The following CTNNA3 variants were observed in gnomAD, a reference collection of about 807,000 sequenced individuals.
The protein encoded by CTNNA3 is catenin alpha-3.
Under a neutral mutation model 95.7 loss-of-function variants are expected in CTNNA3, and 76 were observed. That is an observed-to-expected ratio of 0.79 (90% CI 0.66 to 0.96). The LOEUF (loss-of-function observed/expected upper bound fraction) is 0.96, where lower values mean the gene tolerates loss of function less well. Among genes scored for constraint, CTNNA3 ranks in the 40% least tolerant of loss-of-function variants. The pLI, the probability that CTNNA3 is intolerant of heterozygous loss-of-function variation, is 0.00. For missense variants in CTNNA3, 1,191 were observed against 1,089.8 expected, an observed-to-expected ratio of 1.09 and a Z score of -1.31; for synonymous variants, 431 against 374.4, an observed-to-expected ratio of 1.15 and a Z score of -1.74.
At chr10:67,743,323 C>G (rs1841353873) in intron 1 of CTNNA3, among the ~76,000 whole-genome samples, 1 of 151,136 alleles carries the variant, frequency 6.6e-6, no homozygotes, top group South Asian at 2.1e-4. Context: ...GGGCTTCATC[C>G]CTGGGATGCA....
At chr10:66,590,177 A>G (rs1182049440) in intron 10 of CTNNA3, among the ~76,000 whole-genome samples, 1 of 152,098 alleles carries the variant, frequency 6.6e-6, no homozygotes, top group Non-Finnish European at 1.5e-5. Flanking sequence ...AAAATAGAAT[A>G]TTAAATCTAG....
chr10:66,429,541 A>G (rs1363352456), intron 11 of CTNNA3, among the ~76,000 whole-genome samples: 1 of 152,150 alleles, frequency 6.6e-6, no homozygotes, highest in African/African-American at 2.4e-5. Context: ...GCACATCAAA[A>G]AGCTTATCCA....
intron 13 of CTNNA3, among the ~76,000 whole-genome samples, chr10:66,185,429 A>G (rs891840682): frequency 6.6e-6 from 1 of 152,122 alleles, no homozygotes; most frequent in Non-Finnish European, 1.5e-5. Context: ...TATTGAAATG[A>G]GCTATTAAAA....
chr10:67,103,433 T>A (rs1050393820), intron 7 of CTNNA3, among the ~76,000 whole-genome samples: 1 of 151,792 alleles, frequency 6.6e-6, no homozygotes, highest in African/African-American at 2.4e-5. Flanking sequence ...TAGTTACTTG[T>A]TAGTTGCACC....
intron 5 of CTNNA3, among the ~76,000 whole-genome samples, chr10:67,252,022 CA>C (rs1866127689): frequency 6.6e-6 from 1 of 151,912 alleles, no homozygotes; most frequent in Non-Finnish European, 1.5e-5. Flanking sequence ...CCAGCCTGGC[CA>C]ACACGGTGAA....
At chr10:67,664,354 A>G (rs1190601315) in intron 1 of CTNNA3, among the ~76,000 whole-genome samples, 1 of 152,204 alleles carries the variant, frequency 6.6e-6, no homozygotes, top group Non-Finnish European at 1.5e-5. Flanking sequence ...TTAAAAGGGC[A>G]GCATTTCTTC....
At chr10:67,698,249 A>AAAGAG (rs1554877550), upstream of CTNNA3, among the ~76,000 whole-genome samples, 6 of 151,680 alleles carry the variant, frequency 4.0e-5, no homozygotes, top group East Asian at 2.0e-4. Context: ...GGAAAAAAAA[A>AAAGAG]AGAGAGAAAA....
chr10:66,487,250 G>C (rs1045124770), intron 11 of CTNNA3, among the ~76,000 whole-genome samples: 3 of 130,424 alleles, frequency 2.3e-5, no homozygotes, highest in African/African-American at 8.9e-5. Context: ...CGCCCAGGCT[G>C]GAGTGCGGTG....
chr10:66,286,099 A>C (rs2091583905), intron 12 of CTNNA3, among the ~76,000 whole-genome samples: 1 of 152,006 alleles, frequency 6.6e-6, no homozygotes, highest in Non-Finnish European at 1.5e-5. Context: ...ATATGTGTAC[A>C]TTTTTAGGGA....
Position 66,996,168 on chromosome 10 carries a change from T to C in CTNNA3, c.1047+184149A>G, listed in dbSNP as rs190524951. The stretch of plus-strand genomic sequence containing the variant: ...TGCACAAGTAGGTCTCAAAGCTCTG[T>C]TGATAAATGAAGTTTAATGGTTTCA... On this transcript the variant is annotated intron_variant, in intron 7 of 17. Transcript: ENST00000433211. Among the ~76,000 whole-genome samples, 24 of 152,310 alleles carry C rather than the reference T, an allele frequency of 1.6e-4. 1 individual carries two copies. In the East Asian group the frequency reaches 4.4e-3, roughly 28 times the overall value.
intron 9 of CTNNA3, among the ~76,000 whole-genome samples, chr10:66,727,814 CAAGT>C (rs1436626126): frequency 6.6e-6 from 1 of 152,004 alleles, no homozygotes; most frequent in African/African-American, 2.4e-5. Flanking sequence ...AAATGCACAT[CAAGT>C]AATAGGGAAT....
intron 7 of CTNNA3, among the ~76,000 whole-genome samples, chr10:67,087,663 C>T (rs1857381964): frequency 6.6e-6 from 1 of 151,964 alleles, no homozygotes; most frequent in Admixed American, 6.6e-5. Context: ...GTGTGGATTT[C>T]TGCTCACTCA....
At chr10:66,774,446 A>G (rs1347222795) in intron 8 of CTNNA3, among the ~76,000 whole-genome samples, 3 of 152,172 alleles carry the variant, frequency 2.0e-5, no homozygotes, top group African/African-American at 7.2e-5. Flanking sequence ...CTTACATTCC[A>G]TGATTACAAG....
intron 7 of CTNNA3, among the ~76,000 whole-genome samples, chr10:67,079,306 T>C (rs946987799): frequency 1.3e-5 from 2 of 152,196 alleles, no homozygotes; most frequent in South Asian, 2.1e-4. Context: ...ATCATGGCCA[T>C]GTAAGCCATG....
At chr10:66,336,008 G>T (rs1046966715) in intron 12 of CTNNA3, among the ~76,000 whole-genome samples, 1 of 152,086 alleles carries the variant, frequency 6.6e-6, no homozygotes, top group South Asian at 2.1e-4. Context: ...GCGAGGCTCC[G>T]TGCTTGTAGG....
intron 12 of CTNNA3, among the ~76,000 whole-genome samples, chr10:66,344,156 G>A (rs1384920667): frequency 6.7e-6 from 1 of 149,990 alleles, no homozygotes; most frequent in Non-Finnish European, 1.5e-5. Context: ...GAACCCCAGA[G>A]GCAGAGGTTG....
intron 5 of CTNNA3, among the ~76,000 whole-genome samples, chr10:67,289,686 CT>C (rs1263628376): frequency 6.6e-5 from 10 of 152,180 alleles, no homozygotes; most frequent in African/African-American, 1.7e-4. Context: ...GCTTGAGAAA[CT>C]AATCAATTAT....
chr10:66,748,727 T>A (rs1030923269), intron 9 of CTNNA3, among the ~76,000 whole-genome samples: 1 of 152,100 alleles, frequency 6.6e-6, no homozygotes, highest in African/African-American at 2.4e-5. Flanking sequence ...GCTCAAAAAT[T>A]AAGCAGAAAG....
intron 7 of CTNNA3, among the ~76,000 whole-genome samples, chr10:67,120,681 A>T (rs914061632): frequency 2.0e-5 from 3 of 152,026 alleles, no homozygotes; most frequent in South Asian, 2.1e-4. Flanking sequence ...CAACAAAAAC[A>T]TCTCACCTAC....
Sources: gnomAD v4.1 joint callset for allele counts (sites outside exome capture counted in the v4.1 genomes callset) on GRCh38, gnomAD v4.1.1 for gene constraint, MANE v1.5 for transcripts, NCBI Gene and HGNC (gene_info 2026-07-23, HGNC 2026-07-21) for gene names.